The following ANO4 variants were observed in gnomAD, a reference collection of about 807,000 sequenced individuals.
ANO4 encodes anoctamin-4.
Under a neutral mutation model 141.9 loss-of-function variants are expected in ANO4, and 69 were observed. The observed-to-expected ratio is 0.49, with a 90% CI of 0.40 to 0.59. ANO4 has a LOEUF of 0.59. Among genes scored for constraint, ANO4 ranks in the 20% least tolerant of loss-of-function variants. The probability of loss-of-function intolerance (pLI) is 0.00; values close to 1 mark genes in which losing one functional copy is unlikely to be tolerated. For missense variants in ANO4, 894 were observed against 1,162.2 expected, an observed-to-expected ratio of 0.77 and a Z score of 3.36; for synonymous variants, 350 against 394.3, an observed-to-expected ratio of 0.89 and a Z score of 1.33.
intron 1 of ANO4, among the ~76,000 whole-genome samples, chr12:100,890,457 G>C (rs1487560837): frequency 1.3e-5 from 2 of 152,144 alleles, no homozygotes; most frequent in Non-Finnish European, 2.9e-5. Context: ...TAAGTAGTAA[G>C]AAATAACATT....
chr12:101,068,750 A>G lies in ANO4; in HGVS notation c.1313-10443A>G, dbSNP rs116650408. On this transcript the variant is annotated intron_variant, in intron 14 of 27. Transcript: ENST00000392977. ...TCTCATAAAAATGTTGCCGATGACT[A>G]TATTCACACTGCAGCCTGCTTACAT... 4,385 of 1,284,824 alleles carry G rather than the reference A, an allele frequency of 3.4e-3. 141 individuals are homozygous for G. In the African/African-American group the frequency reaches 0.056, roughly 16 times the overall value. The allele number at this position is 1,284,824 out of a possible 1,614,324, so 79.6% of individuals were successfully genotyped here. A position where few individuals can be genotyped will look rare whatever the true frequency, so the allele number is the denominator to read the frequency against.
intron 1 of ANO4, among the ~76,000 whole-genome samples, chr12:100,717,816 G>T (rs1457114283): frequency 6.6e-6 from 1 of 152,210 alleles, no homozygotes; most frequent in Non-Finnish European, 1.5e-5. Context: ...CATTCCCCTC[G>T]CTTCCGACCA....
chr12:100,798,490 G>A (rs140848155), intron 1 of ANO4, among the ~76,000 whole-genome samples: 1 of 152,156 alleles, frequency 6.6e-6, no homozygotes, highest in Non-Finnish European at 1.5e-5. Context: ...TAGGAGAAAT[G>A]CTTCATGAGC....
intron 13 of ANO4, 26 bp downstream of exon 13, chr12:101,043,661 A>G: frequency 2.0e-6 from 3 of 1,536,420 alleles, no homozygotes; most frequent in Non-Finnish European, 2.7e-6. Context: ...AGCATTTTAG[A>G]TGAATTGAAT....
chr12:100,768,356 C>T (rs1480268235), intron 3 of ANO4, among the ~76,000 whole-genome samples: 1 of 152,204 alleles, frequency 6.6e-6, no homozygotes, highest in Non-Finnish European at 1.5e-5. Context: ...AATGTATCTT[C>T]TTTCTGTGCT....
intron 1 of ANO4, among the ~76,000 whole-genome samples, chr12:100,720,727 TAGTG>T (rs1241835390): frequency 1.3e-5 from 2 of 152,098 alleles, no homozygotes; most frequent in African/African-American, 4.8e-5. Context: ...GTCAGTCTCG[TAGTG>T]GGAGACCTGT....
intron 17 of ANO4, among the ~76,000 whole-genome samples, chr12:101,088,431 A>G (rs1049771095): frequency 1.3e-5 from 2 of 151,784 alleles, no homozygotes; most frequent in African/African-American, 4.8e-5. Context: ...ACCATCTAAT[A>G]TGCTATATAT....
chr12:101,053,569 T>C (rs1042581541), intron 14 of ANO4, among the ~76,000 whole-genome samples: 3 of 152,182 alleles, frequency 2.0e-5, no homozygotes, highest in Non-Finnish European at 4.4e-5. Flanking sequence ...CCTTGGTTTG[T>C]AGATGCATCA....
chr12:100,866,002 T>C (rs1048715368), intron 1 of ANO4, among the ~76,000 whole-genome samples: 4 of 152,288 alleles, frequency 2.6e-5, no homozygotes, highest in Admixed American at 2.6e-4. Flanking sequence ...TCCTGTCTTC[T>C]ACAAGTGCCT....
At chr12:100,799,231 G>A (rs1049168564) in intron 1 of ANO4, among the ~76,000 whole-genome samples, 1 of 152,106 alleles carries the variant, frequency 6.6e-6, no homozygotes, top group Admixed American at 6.6e-5. Flanking sequence ...CTAGATGAAC[G>A]ATTATTTCTA....
chr12:100,990,547 G>A (rs564670518), intron 8 of ANO4, among the ~76,000 whole-genome samples: 1 of 152,266 alleles, frequency 6.6e-6, no homozygotes, highest in Admixed American at 6.5e-5. Context: ...TCAAATAATT[G>A]ATTTATTCAA....
chr12:100,940,292 A>G (rs1472248768), intron 4 of ANO4, among the ~76,000 whole-genome samples: 1 of 151,912 alleles, frequency 6.6e-6, no homozygotes, highest in Non-Finnish European at 1.5e-5. Flanking sequence ...TGGCGTAAAG[A>G]ATGGACTTTG....
At chr12:101,007,975 C>G (rs17406903) in intron 8 of ANO4, among the ~76,000 whole-genome samples, 6 of 151,938 alleles carry the variant, frequency 3.9e-5, no homozygotes, top group Non-Finnish European at 8.8e-5. Flanking sequence ...AGGCGACTTC[C>G]CTCAAAAGTC....
rs151144627 is a variant in ANO4 at position 100,956,577 on chromosome 12, G to T, written c.456+14042G>T. Among the ~76,000 whole-genome samples the T allele has an allele frequency of 2.3e-3, 352 of 152,288 alleles. 2 individuals are homozygous for T. The highest frequency in any genetic ancestry group is 3.4e-3 in the Middle Eastern group (1 of 294). On this transcript the variant is annotated intron_variant, in intron 5 of 27. Coordinates refer to ENST00000392977, the MANE Select transcript of ANO4 (RefSeq NM_001286615.2). The stretch of plus-strand genomic sequence containing the variant: ...CTCAGTCTGTAGGTTCCTTTCTTCA[G>T]CCAGAATATTCTTTTGGATTGTGTA...
chr12:100,821,652 G>A (rs949108946), intron 1 of ANO4, among the ~76,000 whole-genome samples: 2 of 151,788 alleles, frequency 1.3e-5, no homozygotes, highest in African/African-American at 4.8e-5. Context: ...AGAGTGTTAC[G>A]TGTCAGGATA....
chr12:100,889,026 C>T (rs978306728), intron 1 of ANO4, among the ~76,000 whole-genome samples: 2 of 128,482 alleles, frequency 1.6e-5, no homozygotes, highest in Non-Finnish European at 3.3e-5. Context: ...GCTATCCCTC[C>T]CCCCTCCCCC....
At chr12:100,919,410 T>C (rs1472369370) in intron 2 of ANO4, among the ~76,000 whole-genome samples, 1 of 152,174 alleles carries the variant, frequency 6.6e-6, no homozygotes, top group Non-Finnish European at 1.5e-5. Context: ...ACTCGATTTT[T>C]ACTGTACCCT....
At chr12:101,058,288 G>C (rs1369362111) in intron 14 of ANO4, among the ~76,000 whole-genome samples, 1 of 149,880 alleles carries the variant, frequency 6.7e-6, no homozygotes, top group Non-Finnish European at 1.5e-5. Context: ...TTTGAAGTCA[G>C]GTAGCGTGAT....
At chr12:100,867,758 G>A (rs1396352631) in intron 1 of ANO4, among the ~76,000 whole-genome samples, 1 of 152,122 alleles carries the variant, frequency 6.6e-6, no homozygotes, top group Non-Finnish European at 1.5e-5. Flanking sequence ...TAGGAATTAT[G>A]CCTACATTCT....
Sources: allele counts gnomAD v4.1 joint callset (sites outside exome capture counted in the v4.1 genomes callset), GRCh38; gene constraint gnomAD v4.1.1; transcripts MANE v1.5; gene names NCBI Gene and HGNC (gene_info 2026-07-23, HGNC 2026-07-21).